DYDC2: variants seen among roughly 807,000 people sequenced by gnomAD.
DYDC2 encodes DPY30 domain-containing protein 2.
DYDC2 carries 19 observed loss-of-function variants against 18.7 expected under a neutral mutation model. That is an observed-to-expected ratio of 1.02 (90% confidence interval 0.71 to 1.49). The LOEUF is 1.49. Ranked by LOEUF, DYDC2 falls within the 40% of genes most tolerant of loss-of-function variation. The pLI is 0.00. For missense variants in DYDC2, 179 were observed against 205.1 expected (o/e 0.87, Z 0.78); for synonymous variants, 63 against 67.6 (o/e 0.93, Z 0.34).
chr10:80,356,589 C>T (rs952384829), upstream of DYDC2: 2 of 985,392 alleles, frequency 2.0e-6, no homozygotes, highest in African/African-American at 3.5e-5. Flanking sequence ...GGCCTCTCTC[C>T]GCCTCAGGTG....
In DYDC2 at chr10:80,363,070, C is replaced by T; in HGVS notation, c.267C>T (p.His89=). 4 of 1,611,382 alleles carry T rather than the reference C, an allele frequency of 2.5e-6. No homozygotes were observed. Among genetic ancestry groups the T allele is most frequent in the Non-Finnish European group, 3.4e-6 (4 of 1,178,922 alleles). ...YQIQQNCEKC[H]KELTSETVST... is the part of the protein sequence containing the mutation. ...TTCAACAGAACTGTGAAAAGTGTCA[C>T]AAGGTAGGGAGAAGGACTCAGCTTT... Residue 89 remains histidine, a synonymous_variant, in exon 4 of 5, where the codon CAC becomes CAT. Coordinates refer to ENST00000256039, the MANE Select transcript of DYDC2 (RefSeq NM_032372.6).
intron 1 of DYDC2, among the ~76,000 whole-genome samples, chr10:80,351,207 C>T (rs1043318716): frequency 1.4e-4 from 22 of 152,122 alleles, no homozygotes; most frequent in Non-Finnish European, 3.2e-4. Context: ...AACAGTTGTA[C>T]GCAGAAGGTG....
upstream of DYDC2, chr10:80,352,639 C>A (rs148403494): frequency 1.9e-6 from 3 of 1,585,782 alleles, no homozygotes; most frequent in Non-Finnish European, 2.6e-6. Flanking sequence ...TGCATTACTG[C>A]AGGATATTTT....
intron 1 of DYDC2, among the ~76,000 whole-genome samples, chr10:80,346,804 G>A (rs2132793181): frequency 6.6e-6 from 1 of 152,130 alleles, no homozygotes; most frequent in Admixed American, 6.5e-5. Context: ...GCTGGTCACG[G>A]TGGCTCATGC....
chr10:80,346,802 C>T (rs1213652551), intron 1 of DYDC2, among the ~76,000 whole-genome samples: 1 of 151,850 alleles, frequency 6.6e-6, no homozygotes, highest in Admixed American at 6.6e-5. Context: ...AGGCTGGTCA[C>T]GGTGGCTCAT....
rs550079484 is a variant in DYDC2, at chr10:80,366,669, T to C, written c.271-19T>C. ...TAGTCTCTAATAATAAGTTTTCGGCTTTTTTGTTTTCTATTTAGGAACTGA... is the reference window on the plus strand; with the variant it reads ...TAGTCTCTAATAATAAGTTTTCGGCCTTTTTGTTTTCTATTTAGGAACTGA... On this transcript the variant is annotated intron_variant, in intron 4 of 4. Transcript: ENST00000256039. 6.3e-7 allele frequency: 1 copy of C among 1,578,468 alleles called. No homozygotes were observed. The highest frequency in any genetic ancestry group is 1.9e-5 in the Admixed American group (1 of 52,474).
chr10:80,362,248 T>C (rs1396920690), intron 2 of DYDC2, among the ~76,000 whole-genome samples, 187 bp from the exon 3 acceptor site: 2 of 152,236 alleles, frequency 1.3e-5, no homozygotes, highest in South Asian at 2.1e-4. Flanking sequence ...GGTCCTAGGT[T>C]GTTTCATGGC....
intron 4 of DYDC2, among the ~76,000 whole-genome samples, chr10:80,366,478 A>G (rs1843841845): frequency 6.6e-6 from 1 of 152,194 alleles, no homozygotes; most frequent in Admixed American, 6.5e-5. Context: ...TTTTCCATGA[A>G]AAGATGATGG....
intron 4 of DYDC2, among the ~76,000 whole-genome samples, chr10:80,364,490 A>G (rs1270439654): frequency 6.6e-6 from 1 of 152,196 alleles, no homozygotes; most frequent in Non-Finnish European, 1.5e-5. Context: ...AAGACTCCCA[A>G]AACTTCACCC....
chr10:80,361,912 T>C (rs916771488), intron 2 of DYDC2, among the ~76,000 whole-genome samples: 3 of 152,248 alleles, frequency 2.0e-5, no homozygotes, highest in African/African-American at 7.2e-5. Context: ...TGATTCCTCT[T>C]AAGTGATGAA....
chr10:80,347,008 G>A (rs1842683145), intron 1 of DYDC2, among the ~76,000 whole-genome samples: 1 of 151,812 alleles, frequency 6.6e-6, no homozygotes, highest in Non-Finnish European at 1.5e-5. Flanking sequence ...TGAACCCAGG[G>A]AGCAGAGGTT....
chr10:80,352,450 C>T (rs771960433), upstream of DYDC2: 4 of 1,592,736 alleles, frequency 2.5e-6, no homozygotes, highest in Non-Finnish European at 2.6e-6. Context: ...GAGATTCCTA[C>T]TTACCAGTTG....
chr10:80,347,298 T>C (rs868240898), intron 1 of DYDC2, among the ~76,000 whole-genome samples: 2,108 of 91,540 alleles, frequency 0.023, 107 homozygotes, highest in African/African-American at 0.083. Context: ...TTTTTTTTTT[T>C]TTTTTTTGCT....
At chr10:80,355,811 C>T (rs535386607), upstream of DYDC2, among the ~76,000 whole-genome samples, 1 of 152,214 alleles carries the variant, frequency 6.6e-6, no homozygotes, top group East Asian at 1.9e-4. Flanking sequence ...GGAAAACAAA[C>T]TGGCACAAAT....
rs772357721 is a variant in DYDC2 at position 80,362,518 on chromosome 10, G to GC, written c.78dup (p.Ser27GlnfsTer2). On this transcript the variant is annotated frameshift_variant, in exon 3 of 5. Coordinates refer to ENST00000256039, the MANE Select transcript of DYDC2 (RefSeq NM_032372.6). LOFTEE classifies it high-confidence loss of function. ...CACTGGCAGAGGTGGCGAAGGTTCG[G>GC]CCCAGTGACCCAATAGAATACCTGG... 2.5e-6 allele frequency: 4 copies of GC among 1,614,084 alleles called. No homozygotes were observed. In the South Asian group the frequency reaches 3.3e-5, roughly 13 times the overall value.
intron 2 of DYDC2, among the ~76,000 whole-genome samples, chr10:80,361,969 T>C (rs906316024): frequency 2.0e-5 from 3 of 152,236 alleles, no homozygotes; most frequent in Admixed American, 2.0e-4. Flanking sequence ...TCATTGCTAC[T>C]GAAGTGTTTT....
intron 1 of DYDC2, among the ~76,000 whole-genome samples, chr10:80,347,138 GT>G (rs1158510519): frequency 6.6e-6 from 1 of 151,880 alleles, no homozygotes; most frequent in Non-Finnish European, 1.5e-5. Context: ...TCTCATAGTG[GT>G]TTTGATTTGC....
chr10:80,356,699 C>A, upstream of DYDC2: 1 of 984,380 alleles, frequency 1.0e-6, no homozygotes, highest in South Asian at 4.7e-5. Flanking sequence ...TCGGGCCTTT[C>A]CGGTGCGCTC....
intron 2 of DYDC2, 109 bp from the exon 3 acceptor site, chr10:80,362,326 A>C: frequency 7.0e-7 from 1 of 1,424,760 alleles, no homozygotes; most frequent in Non-Finnish European, 9.5e-7. Flanking sequence ...TGTGATCCAG[A>C]AGCATCTCAT....
Sources: allele counts gnomAD v4.1 joint callset (sites outside exome capture counted in the v4.1 genomes callset), GRCh38; gene constraint gnomAD v4.1.1; transcripts MANE v1.5; gene names NCBI Gene and HGNC (gene_info 2026-07-23, HGNC 2026-07-21).